Variants in PLEC observed in about 807,000 individuals in gnomAD.
PLEC encodes plectin.
Under a neutral mutation model 392.8 loss-of-function variants are expected in PLEC, and 216 were observed. The ratio of observed to expected loss-of-function variants is 0.55; its 90% CI spans 0.49 to 0.62. The LOEUF (loss-of-function observed/expected upper bound fraction) is 0.62. Ranked by LOEUF, PLEC falls within the 20% of genes least tolerant of loss-of-function variation. The pLI is 0.00. For missense variants in PLEC, 6,863 were observed against 6,563.4 expected (o/e 1.05, Z -1.58); for synonymous variants, 3,621 against 2,980.6 (o/e 1.21, Z -7.00).
Position 143,919,240 on chromosome 8 carries a change from C to T in PLEC, c.10581G>A (p.Leu3527=). The T allele has an allele frequency of 1.9e-6, 3 of 1,613,970 alleles. No homozygotes were observed. The highest frequency in any genetic ancestry group is 2.2e-5 in the East Asian group (1 of 44,876). The change falls in exon 32 of 32, where the codon CTG becomes CTA. Residue 3527 remains leucine (L), a synonymous_variant. Coordinates refer to ENST00000345136, the MANE Select transcript of PLEC (RefSeq NM_201384.3). ...TCTCGGGGTCCTCCACGCACCGCTC[C>T]AGCAGCTGCCTGTACGTGAGGTTCT... is the stretch of plus-strand genomic sequence containing the variant. The part of the protein sequence containing the change: ...THENLTYRQL[L]ERCVEDPETG...
chr8:143,956,473 CAGA>C (rs1188726636), upstream of PLEC, among the ~76,000 whole-genome samples: 7 of 152,184 alleles, frequency 4.6e-5, no homozygotes, highest in East Asian at 1.3e-3. Context: ...GATGCTGAGG[CAGA>C]AGGACGGCTT....
chr8:143,974,059 G>C (rs1439169922), upstream of PLEC, among the ~76,000 whole-genome samples: 5 of 152,182 alleles, frequency 3.3e-5, no homozygotes, highest in Non-Finnish European at 1.5e-5. The surrounding 1 kb of genome is among the most constrained non-coding windows in gnomAD (Gnocchi z 5.9). Context: ...CAAAGCCCCC[G>C]CTCTCCCCGC....
rs782600766 is a variant in PLEC at position 143,939,423 on chromosome 8, G to A, written c.39C>T (p.Gly13=). Residue 13 remains glycine, a synonymous_variant, in exon 1 of 32, where the codon GGC becomes GGT. Coordinates refer to ENST00000345136, the MANE Select transcript of PLEC (RefSeq NM_201384.3). ...CCGAGCTGGTTCTCTTTCGGCCCAGGCCCTCGGGCTGCGGCACGCGGAGCT... is the reference window on the plus strand; with the variant it reads ...CCGAGCTGGTTCTCTTTCGGCCCAGACCCTCGGGCTGCGGCACGCGGAGCT... ...QHQLRVPQPE[G]LGRKRTSSED... The A allele has an allele frequency of 3.7e-6, 6 of 1,612,476 alleles. No individual in the cohort carries two copies. The highest frequency in any genetic ancestry group is 3.3e-5 in the South Asian group (3 of 90,986).
upstream of PLEC, among the ~76,000 whole-genome samples, chr8:143,952,549 C>T (rs1832295524): frequency 6.6e-6 from 1 of 152,164 alleles, no homozygotes; most frequent in Non-Finnish European, 1.5e-5. Flanking sequence ...TGGCCAGTCC[C>T]TCAGCGCACC....
rs1177212421 is a variant in PLEC at position 143,927,839 on chromosome 8, G to A, written c.3399+15C>T. ...ACCCCCACCCCGCCATGAAGCCCAA[G>A]CCTCGAAACGATACCTTCAGAGAGG... is the stretch of plus-strand genomic sequence containing the variant. On this transcript the variant is annotated intron_variant, in intron 26 of 31. Transcript: ENST00000345136. 1.3e-6 allele frequency: 2 copies of A among 1,590,770 alleles called. No homozygotes were observed. The highest frequency in any genetic ancestry group is 1.3e-5 in the African/African-American group (1 of 74,394).
intron 5 of PLEC, among the ~76,000 whole-genome samples, chr8:143,936,653 C>G (rs1038962742): frequency 1.3e-5 from 2 of 152,238 alleles, no homozygotes; most frequent in African/African-American, 4.8e-5. Context: ...GGACAAGCAG[C>G]GGGTGAGTCA....
intron 25 of PLEC, 32 bp from the exon 26 acceptor site, chr8:143,928,024 A>G (rs548995269): frequency 3.2e-6 from 5 of 1,570,360 alleles, no homozygotes; most frequent in East Asian, 4.5e-5. Context: ...GGGCCATGAC[A>G]TGGGGCTCGA....
Position 143,945,917 on chromosome 8 carries a change from C to A in PLEC, c.523+4267G>T, listed in dbSNP as rs1420007689. Among the ~76,000 whole-genome samples, 4 of 152,384 alleles carry A rather than the reference C, an allele frequency of 2.6e-5. No individual in the cohort carries two copies. The South Asian group carries it at 8.3e-4, about 32-fold the overall frequency. ...CGGCCAGGGGTCGGGCGGGCCCAGG[C>A]AGCCCTGAGGGTCAGGGATACCCAG... On this transcript the variant is annotated intron_variant, in intron 1 of 31. Transcript: ENST00000322810.
At chr8:143,927,128 C>T (rs1554706717) in intron 28 of PLEC, 47 bp from the exon 29 acceptor site, 2 of 1,568,162 alleles carry the variant, frequency 1.3e-6, no homozygotes, top group East Asian at 2.2e-5. Flanking sequence ...CCTCCGATGG[C>T]CCCTGCCCAG....
rs781961605 is a variant in PLEC at position 143,917,340 on chromosome 8, C to T, written c.12481G>A (p.Gly4161Ser). The change falls in exon 32 of 32, where the codon GGC (glycine) becomes AGC (serine). Residue 4161 changes from glycine (G) to serine (S), a missense_variant. By Grantham distance (56) the Gly-to-Ser change is moderately conservative. Transcript: ENST00000345136. ...AGGTACGTCTGGTGGTCAATCAGGCCCTTGCGGTAGGCCTCGTACACTGAC... is the reference window on the plus strand; with the variant it reads ...AGGTACGTCTGGTGGTCAATCAGGCTCTTGCGGTAGGCCTCGTACACTGAC... Reference protein sequence around the residue: ...EMSVYEAYRKGLIDHQTYLEL... With the variant: ...EMSVYEAYRKSLIDHQTYLEL... 2.5e-6 allele frequency: 4 copies of T among 1,610,154 alleles called. No individual in the cohort carries two copies. The Admixed American group carries it at 5.0e-5, about 20-fold the overall frequency.
chr8:143,925,697 G>A lies in PLEC; in HGVS notation c.4232C>T (p.Ala1411Val), dbSNP rs781828866. 69 of 1,591,742 alleles carry A rather than the reference G, an allele frequency of 4.3e-5. No homozygotes were observed. Among genetic ancestry groups the A allele is most frequent in the Non-Finnish European group, 4.8e-5 (56 of 1,176,544 alleles). ...CTGAATGCTGCGCTTCTGCTGCTGC[G>A]CGTCCACCGCCGCCTCCTCCCGCCG... Reference protein sequence around the residue: ...VVRREEAAVDAQQQKRSIQEE... With the variant: ...VVRREEAAVDVQQQKRSIQEE... The change falls in exon 31 of 32, where the codon GCG (alanine) becomes GTG (valine). Residue 1411 changes from alanine (A) to valine (V), a missense_variant. Physicochemically the swap from Ala to Val is moderately conservative, Grantham distance 64 (BLOSUM62 0). Transcript: ENST00000345136.
upstream of PLEC, among the ~76,000 whole-genome samples, chr8:143,952,049 G>A (rs955035792): frequency 4.6e-5 from 7 of 152,338 alleles, no homozygotes; most frequent in Admixed American, 3.3e-4. Flanking sequence ...TAAATAGGGC[G>A]GTGGGGGGGA....
rs1554689888 is a variant in PLEC at position 143,922,579 on chromosome 8, C to G, written c.7350G>C (p.Glu2450Asp). 1 of 1,613,464 alleles carries G rather than the reference C, an allele frequency of 6.2e-7. No homozygotes were observed. Among genetic ancestry groups the G allele is most frequent in the Admixed American group, 1.7e-5 (1 of 60,006 alleles). ...QSDHDAERLR[E>D]AIAELEREKE... ...TCTCACGCTCCAGCTCAGCGATGGC[C>G]TCCCGCAGGCGCTCGGCATCATGGT... is the stretch of plus-strand genomic sequence containing the variant. The change falls in exon 31 of 32, where the codon GAG (glutamate) becomes GAC (aspartate). Residue 2450 changes from glutamate (E) to aspartate (D), a missense_variant. Transcript: ENST00000345136.
rs782417764 is a variant in PLEC at position 143,916,407 on chromosome 8, T to C, written c.13414A>G (p.Lys4472Glu). ...ACGCTGTAGGGGCTGTAGTAGCCCT[T>C]GGTGGACTGCGCGGCAGCCTCCAGC... The part of the protein sequence containing the change: ...RLLEAAAQST[K>E]GYYSPYSVSG... Residue 4472 changes from lysine (K) to glutamate (E), a missense_variant, in exon 32 of 32, where the codon AAG (lysine) becomes GAG (glutamate). Transcript: ENST00000345136. 1 of 1,611,462 alleles carries C rather than the reference T, an allele frequency of 6.2e-7. No individual in the cohort carries two copies. The highest frequency in any genetic ancestry group is 8.5e-7 in the Non-Finnish European group (1 of 1,179,360).
At position 143,923,650 on chromosome 8, in the gene PLEC, C is replaced by CGCCTCCTCAGCCGCCCGCCGG; in HGVS notation, c.6258_6278dup (p.Arg2087_Ala2093dup). ...GCTCCGCCTGCACCCGGGCCTCCTC[C>CGCCTCCTCAGCCGCCCGCCGG]GCCTCCTCAGCCGCCCGCCGGGCCG... On this transcript the variant is annotated inframe_insertion, in exon 31 of 32. Coordinates refer to ENST00000345136, the MANE Select transcript of PLEC (RefSeq NM_201384.3). 3 of 1,575,366 alleles carry CGCCTCCTCAGCCGCCCGCCGG rather than the reference C, an allele frequency of 1.9e-6. No individual in the cohort carries two copies. The highest frequency in any genetic ancestry group is 2.6e-6 in the Non-Finnish European group (3 of 1,168,214).
At position 143,929,537 on chromosome 8, in the gene PLEC, G is replaced by A. The variant is rs1554711216; in HGVS notation, c.2958C>T (p.Ile986=). The A allele has an allele frequency of 1.9e-6, 3 of 1,612,668 alleles. No homozygotes were observed. Among genetic ancestry groups the A allele is most frequent in the East Asian group, 2.2e-5 (1 of 44,870 alleles). The change falls in exon 24 of 32, where the codon ATC becomes ATT. Residue 986 remains isoleucine (I), a synonymous_variant. Coordinates refer to ENST00000345136, the MANE Select transcript of PLEC (RefSeq NM_201384.3). ...AQEESRCQRC[I]SELKDIRLQL... Reference sequence around the variant, plus strand: ...GCAGCCGGATGTCTTTGAGCTCGGAGATGCAGCGCTGGCAGCGAGACTCTT... The same window carrying A: ...GCAGCCGGATGTCTTTGAGCTCGGAAATGCAGCGCTGGCAGCGAGACTCTT...
chr8:143,945,621 T>C (rs1831347884), intron 1 of PLEC, among the ~76,000 whole-genome samples: 1 of 152,162 alleles, frequency 6.6e-6, no homozygotes, highest in Non-Finnish European at 1.5e-5. Flanking sequence ...TCCTATACCA[T>C]GAAGGCCTCA....
In PLEC at chr8:143,935,237, C is replaced by T. The variant is rs1554722122; in HGVS notation, c.679G>A (p.Glu227Lys). Residue 227 changes from glutamate to lysine, a missense_variant, in exon 7 of 32, where the codon GAG (glutamate) becomes AAG (lysine). By Grantham distance (56) the Glu-to-Lys change is moderately conservative. Transcript: ENST00000345136. ...AGCCGCGTCACTCCCAGGTCCCGCT[C>T]CGCCACAGAGAAGGCCTGGTCCAGG... ...ENLDQAFSVA[E>K]RDLGVTRLLD... 6.2e-7 allele frequency: 1 copy of T among 1,612,512 alleles called. No homozygotes were observed. The highest frequency in any genetic ancestry group is 8.5e-7 in the Non-Finnish European group (1 of 1,179,962).
chr8:143,959,974 G>A (rs989643236), intron 1 of PLEC, among the ~76,000 whole-genome samples: 1 of 147,770 alleles, frequency 6.8e-6, no homozygotes, highest in Non-Finnish European at 1.5e-5. Context: ...GTGAGACTCC[G>A]TCTCAAAAAA....
Sources: allele counts gnomAD v4.1 joint callset (sites outside exome capture counted in the v4.1 genomes callset), GRCh38; gene constraint gnomAD v4.1.1; non-coding constraint Gnocchi (gnomAD v3.1); transcripts MANE v1.5; gene names NCBI Gene and HGNC (gene_info 2026-07-23, HGNC 2026-07-21).